The following ASAP2 variants were observed in gnomAD, a reference collection of about 807,000 sequenced individuals.
ASAP2 encodes the protein arf-GAP with SH3 domain, ANK repeat and PH domain-containing protein 2.
In ASAP2, 45 loss-of-function variants were observed where a neutral mutation model predicts 131.4. The observed-to-expected ratio is 0.34, with a 90% CI of 0.27 to 0.44. The LOEUF (loss-of-function observed/expected upper bound fraction) is 0.44, where lower values mean the gene tolerates loss of function less well. Among genes scored for constraint, ASAP2 ranks in the 20% least tolerant of loss-of-function variants. The pLI is 1.00. For missense variants in ASAP2, 1,011 were observed against 1,297.0 expected, an observed-to-expected ratio of 0.78 and a Z score of 3.39; for synonymous variants, 510 against 503.0, an observed-to-expected ratio of 1.01 and a Z score of -0.19.
chr2:9,216,878 C>T (rs931497129), intron 1 of ASAP2, among the ~76,000 whole-genome samples: 1 of 152,090 alleles, frequency 6.6e-6, no homozygotes, highest in African/African-American at 2.4e-5. Flanking sequence ...GTATTATAGG[C>T]GTGAACCACC....
intron 2 of ASAP2, among the ~76,000 whole-genome samples, chr2:9,283,571 C>T (rs1351232602): frequency 1.3e-5 from 2 of 152,198 alleles, no homozygotes; most frequent in Non-Finnish European, 2.9e-5. Context: ...ATCTTCAAAG[C>T]TGGTCATGGC....
intron 1 of ASAP2, among the ~76,000 whole-genome samples, chr2:9,259,116 C>T (rs1356964867): frequency 1.3e-5 from 2 of 152,248 alleles, no homozygotes; most frequent in Non-Finnish European, 2.9e-5. Flanking sequence ...CTTCCCCTTA[C>T]TTGCTGCTGC....
At chr2:9,343,149 C>T (rs1232069110) in intron 9 of ASAP2, among the ~76,000 whole-genome samples, 1 of 152,188 alleles carries the variant, frequency 6.6e-6, no homozygotes, top group Non-Finnish European at 1.5e-5. Flanking sequence ...GAAGGAGCCT[C>T]AGAGTGGAAG....
intron 3 of ASAP2, 94 bp downstream of exon 3, chr2:9,297,539 G>T (rs1305914875): frequency 5.0e-6 from 7 of 1,413,652 alleles, no homozygotes; most frequent in Non-Finnish European, 6.9e-6. Context: ...AACTAGGAAT[G>T]CATTTCATAG....
intron 1 of ASAP2, among the ~76,000 whole-genome samples, chr2:9,245,157 G>T (rs1406487003): frequency 6.6e-6 from 1 of 152,216 alleles, no homozygotes; most frequent in Non-Finnish European, 1.5e-5. Flanking sequence ...GAGATTCCAG[G>T]AACTTGTAGC....
intron 18 of ASAP2, 60 bp downstream of exon 18, chr2:9,377,053 A>G (rs1039378603): frequency 1.4e-6 from 2 of 1,426,126 alleles, no homozygotes; most frequent in African/African-American, 2.8e-5. Flanking sequence ...TGGGGAAGGA[A>G]TCGGACGCTG....
intron 22 of ASAP2, among the ~76,000 whole-genome samples, chr2:9,390,158 A>G (rs1033624274): frequency 2.6e-5 from 4 of 151,412 alleles, no homozygotes; most frequent in Non-Finnish European, 5.9e-5. Flanking sequence ...CCCTAGCATC[A>G]TTTCTTCTTC....
intron 1 of ASAP2, among the ~76,000 whole-genome samples, chr2:9,262,700 T>G (rs1002927778): frequency 1.3e-5 from 2 of 152,178 alleles, no homozygotes; most frequent in African/African-American, 4.8e-5. Flanking sequence ...GTGTACTTTT[T>G]AAAGGAACAC....
intron 21 of ASAP2, among the ~76,000 whole-genome samples, chr2:9,387,074 T>TGGG (rs34753836): frequency 9.4e-5 from 9 of 95,732 alleles, no homozygotes; most frequent in African/African-American, 2.0e-4. Flanking sequence ...GGCTTGGTGG[T>TGGG]GGGTGGGGGG....
chr2:9,295,651 GGT>G (rs149095487), intron 2 of ASAP2, among the ~76,000 whole-genome samples: 6 of 152,022 alleles, frequency 3.9e-5, no homozygotes, highest in Non-Finnish European at 8.8e-5. Context: ...TGCGTTTGCG[GGT>G]GTGTGTGTGT....
At position 9,376,912 on chromosome 2, in the gene ASAP2, C is replaced by T. The variant is rs1263222293; in HGVS notation, c.1751C>T (p.Pro584Leu). 14 of 1,613,910 alleles carry T rather than the reference C, an allele frequency of 8.7e-6. No homozygotes were observed. The highest frequency in any genetic ancestry group is 2.2e-5 in the South Asian group (2 of 91,064). ...TGCCTTTGTTTGGTTTTTCAGGAGC[C>T]GGATGAAACGGCCCTCCACCTTGCA... The part of the protein sequence containing the change: ...EKIPLANGHE[P>L]DETALHLAVR... The change falls in exon 18 of 28, where the codon CCG (proline) becomes CTG (leucine). Residue 584 changes from proline (P) to leucine (L), a missense_variant. This residue lies in a region of ASAP2 where 652 missense variants were observed against 698.9 expected (regional missense o/e 0.93). Coordinates refer to ENST00000281419, the MANE Select transcript of ASAP2 (RefSeq NM_003887.3).
Position 9,380,712 on chromosome 2 carries a change from C to T in ASAP2, c.1949-29C>T, listed in dbSNP as rs200121461. The T allele has an allele frequency of 3.4e-3, 5,427 of 1,612,306 alleles. 13 individuals are homozygous for T. The highest frequency in any genetic ancestry group is 4.3e-3 in the Non-Finnish European group (5,015 of 1,178,374). ...AGGCCTTTGCTGGGTTTTGCCTTAACGCCTCCTTTGCTCGCCCTTGAATTT... is the reference window on the plus strand; with the variant it reads ...AGGCCTTTGCTGGGTTTTGCCTTAATGCCTCCTTTGCTCGCCCTTGAATTT... On this transcript the variant is annotated intron_variant, in intron 19 of 27. Coordinates refer to ENST00000281419, the MANE Select transcript of ASAP2 (RefSeq NM_003887.3).
chr2:9,245,760 A>G (rs2148106477), intron 1 of ASAP2, among the ~76,000 whole-genome samples: 1 of 152,160 alleles, frequency 6.6e-6, no homozygotes, highest in Non-Finnish European at 1.5e-5. Context: ...GCCATGCATT[A>G]GTCGGTTCGT....
chr2:9,383,475 G>T (rs190489019), intron 20 of ASAP2, among the ~76,000 whole-genome samples: 25 of 152,148 alleles, frequency 1.6e-4, no homozygotes, highest in African/African-American at 6.0e-4. Flanking sequence ...GCCTGGGCTG[G>T]TCTCAAACTC....
chr2:9,236,414 C>G (rs1663554737), intron 1 of ASAP2, among the ~76,000 whole-genome samples: 1 of 152,026 alleles, frequency 6.6e-6, no homozygotes. Flanking sequence ...TTATTTTTTT[C>G]TGTTTTTTAA....
At chr2:9,226,474 G>C (rs1050296378) in intron 1 of ASAP2, among the ~76,000 whole-genome samples, 6 of 152,254 alleles carry the variant, frequency 3.9e-5, no homozygotes, top group South Asian at 2.1e-4. Context: ...CTTGATCTGA[G>C]GATGTTCCAT....
chr2:9,209,119 C>A (rs1661353667), intron 1 of ASAP2, among the ~76,000 whole-genome samples: 3 of 152,202 alleles, frequency 2.0e-5, no homozygotes, highest in Non-Finnish European at 4.4e-5. Flanking sequence ...TGGATTTGGT[C>A]ATTTCATTAA....
At chr2:9,271,350 A>G in intron 1 of ASAP2, 2 of 1,149,078 alleles carry the variant, frequency 1.7e-6, no homozygotes, top group South Asian at 1.2e-5. Context: ...AACTGGCATA[A>G]TATATGTTCT....
At chr2:9,249,607 G>C (rs1244227497) in intron 1 of ASAP2, among the ~76,000 whole-genome samples, 1 of 152,228 alleles carries the variant, frequency 6.6e-6, no homozygotes, top group Non-Finnish European at 1.5e-5. Flanking sequence ...CACATAGACT[G>C]CATAGCCATG....
Sources: allele counts gnomAD v4.1 joint callset (sites outside exome capture counted in the v4.1 genomes callset), GRCh38; gene constraint gnomAD v4.1.1; regional missense constraint gnomAD v4.1.1; transcripts MANE v1.5; gene names NCBI Gene and HGNC (gene_info 2026-07-23, HGNC 2026-07-21).